CADM2: variants seen among roughly 807,000 people sequenced by gnomAD.
CADM2 encodes the protein immunoglobulin superfamily member 4D.
CADM2 carries 12 observed loss-of-function variants against 49.8 expected under a neutral mutation model. The ratio of observed to expected loss-of-function variants is 0.24; its 90% CI spans 0.15 to 0.39. CADM2 has a LOEUF of 0.39. Among genes scored for constraint, CADM2 ranks in the 10% least tolerant of loss-of-function variants. CADM2 has a pLI of 1.00. For missense variants in CADM2, 378 were observed against 492.3 expected (o/e 0.77, Z 2.20); for synonymous variants, 214 against 175.4 (o/e 1.22, Z -1.74).
Position 85,894,095 on chromosome 3 carries a change from G to C in CADM2, c.529+7768G>C, listed in dbSNP as rs369653827. 1.1e-4 allele frequency among the ~76,000 whole-genome samples: 16 copies of C among 152,274 alleles called. No homozygotes were observed. In the East Asian group the frequency reaches 1.2e-3, roughly 11 times the overall value. On this transcript the variant is annotated intron_variant, in intron 5 of 9. Transcript: ENST00000383699. ...CACGATAGCAAAGACTTGGAACCAA[G>C]CCAAATGTCCAACAATGATAGACTG...
intron 1 of CADM2, among the ~76,000 whole-genome samples, chr3:85,343,219 C>A (rs1327754249): frequency 6.6e-6 from 1 of 152,106 alleles, no homozygotes; most frequent in Admixed American, 6.6e-5. Context: ...ATAGAGAAAA[C>A]CTGTACATGA....
intron 1 of CADM2, among the ~76,000 whole-genome samples, chr3:85,035,228 ATTGTC>A (rs1450983312): frequency 6.6e-6 from 1 of 152,034 alleles, no homozygotes; most frequent in African/African-American, 2.4e-5. Context: ...TCTTTTGATA[ATTGTC>A]TATTCATATT....
At chr3:85,939,983 G>T (rs1721665600) in intron 7 of CADM2, among the ~76,000 whole-genome samples, 1 of 145,980 alleles carries the variant, frequency 6.9e-6, no homozygotes, top group Admixed American at 7.1e-5. Flanking sequence ...ATATATTAAT[G>T]TATTTTTCTA....
intron 3 of CADM2, among the ~76,000 whole-genome samples, chr3:85,803,093 G>A (rs1272252252): frequency 3.3e-5 from 5 of 151,944 alleles, no homozygotes; most frequent in African/African-American, 9.7e-5. Flanking sequence ...TCTAATAAAT[G>A]TGCTCAGTCC....
At chr3:85,280,846 T>C (rs1202279410) in intron 1 of CADM2, among the ~76,000 whole-genome samples, 1 of 151,536 alleles carries the variant, frequency 6.6e-6, no homozygotes, top group Non-Finnish European at 1.5e-5. Flanking sequence ...ATACAACAAA[T>C]AAAAAGTGCT....
intron 6 of CADM2, among the ~76,000 whole-genome samples, chr3:85,928,888 TC>T (rs1720249962): frequency 6.6e-6 from 1 of 152,158 alleles, no homozygotes. Context: ...TTTTGAGTGC[TC>T]AAAATGTGGA....
chr3:85,809,151 G>T (rs2072647872), intron 3 of CADM2, among the ~76,000 whole-genome samples: 1 of 152,170 alleles, frequency 6.6e-6, no homozygotes, highest in African/African-American at 2.4e-5. Flanking sequence ...ATACAGTAAA[G>T]TTATTAGATA....
At chr3:85,028,034 G>A (rs2034812671) in intron 1 of CADM2, among the ~76,000 whole-genome samples, 1 of 151,918 alleles carries the variant, frequency 6.6e-6, no homozygotes, top group Non-Finnish European at 1.5e-5. Flanking sequence ...TTGTAAAGGG[G>A]CAGAGATAGA....
At chr3:85,503,276 T>G (rs2040192338) in intron 1 of CADM2, among the ~76,000 whole-genome samples, 1 of 152,200 alleles carries the variant, frequency 6.6e-6, no homozygotes, top group Admixed American at 6.5e-5. Flanking sequence ...TGGATTTGCA[T>G]AAGCATGCTT....
At chr3:85,858,540 A>G (rs1020840778) in intron 3 of CADM2, among the ~76,000 whole-genome samples, 4 of 152,258 alleles carry the variant, frequency 2.6e-5, no homozygotes, top group African/African-American at 9.6e-5. Context: ...AATTCAACTC[A>G]CATGTCTCAT....
At chr3:85,863,209 A>T (rs1382479796) in intron 3 of CADM2, among the ~76,000 whole-genome samples, 1 of 152,154 alleles carries the variant, frequency 6.6e-6, no homozygotes, top group East Asian at 1.9e-4. Context: ...AATTCTGTTT[A>T]ACTCACATGT....
At chr3:85,643,164 T>C (rs1005676630) in intron 1 of CADM2, among the ~76,000 whole-genome samples, 1 of 152,186 alleles carries the variant, frequency 6.6e-6, no homozygotes, top group Non-Finnish European at 1.5e-5. Flanking sequence ...GAATGGTGAT[T>C]TTGAATTGTA....
chr3:85,642,783 A>G (rs1338266870), intron 1 of CADM2, among the ~76,000 whole-genome samples: 5 of 152,206 alleles, frequency 3.3e-5, no homozygotes, highest in African/African-American at 9.6e-5. Flanking sequence ...TTCAAGTTGC[A>G]TAATTGTAAT....
chr3:85,509,719 T>C (rs79129705), intron 1 of CADM2, among the ~76,000 whole-genome samples: 4,689 of 152,152 alleles, frequency 0.031, 231 homozygotes, highest in African/African-American at 0.11. Context: ...ATATCAAAAA[T>C]GAATTAAAAC....
intron 1 of CADM2, among the ~76,000 whole-genome samples, chr3:85,577,357 G>A (rs2062662010): frequency 6.6e-6 from 1 of 152,146 alleles, no homozygotes; most frequent in Non-Finnish European, 1.5e-5. Flanking sequence ...CTGTTATCAT[G>A]AGAGTGAGTT....
At chr3:85,814,312 T>C (rs546956136) in intron 3 of CADM2, among the ~76,000 whole-genome samples, 1 of 152,276 alleles carries the variant, frequency 6.6e-6, no homozygotes, top group South Asian at 2.1e-4. Flanking sequence ...CAATTGTGAA[T>C]GGGAGTTCAC....
At chr3:85,564,765 A>G (rs1399303944) in intron 1 of CADM2, among the ~76,000 whole-genome samples, 1 of 152,094 alleles carries the variant, frequency 6.6e-6, no homozygotes, top group Non-Finnish European at 1.5e-5. Context: ...GAGGAGCAAC[A>G]TACTTTAATA....
chr3:85,735,424 A>G (rs2107807795), intron 2 of CADM2, among the ~76,000 whole-genome samples: 1 of 152,282 alleles, frequency 6.6e-6, no homozygotes. Context: ...CTGGGACAGT[A>G]TGTTAGAGAG....
At chr3:85,232,695 G>A (rs1323708603) in intron 1 of CADM2, among the ~76,000 whole-genome samples, 3 of 152,118 alleles carry the variant, frequency 2.0e-5, no homozygotes, top group Non-Finnish European at 4.4e-5. Flanking sequence ...TTAGGGAATT[G>A]CAAATTGAAA....
Sources: allele counts gnomAD v4.1 joint callset (sites outside exome capture counted in the v4.1 genomes callset), GRCh38; gene constraint gnomAD v4.1.1; transcripts MANE v1.5; gene names NCBI Gene and HGNC (gene_info 2026-07-23, HGNC 2026-07-21).